SND1: variants seen among roughly 807,000 people sequenced by gnomAD.
The protein encoded by SND1 is staphylococcal nuclease domain-containing protein 1.
A neutral mutation model predicts 121.7 loss-of-function variants in SND1; 38 were observed. That is an observed-to-expected ratio of 0.31 (90% confidence interval 0.24 to 0.41). SND1 has a LOEUF of 0.41. SND1 is among the 10% of genes least tolerant of loss of function. SND1 has a pLI of 1.00. For missense variants in SND1, 868 were observed against 1,184.6 expected, an observed-to-expected ratio of 0.73 and a Z score of 3.92; for synonymous variants, 401 against 447.4, an observed-to-expected ratio of 0.90 and a Z score of 1.31.
intron 15 of SND1, among the ~76,000 whole-genome samples, chr7:127,957,377 G>A (rs181782617): frequency 1.3e-5 from 2 of 152,266 alleles, no homozygotes; most frequent in Admixed American, 1.3e-4. Flanking sequence ...TGGCCCTATC[G>A]TTGTGGGGGT....
At chr7:128,062,390 C>T (rs776856673) in intron 16 of SND1, among the ~76,000 whole-genome samples, 1 of 152,138 alleles carries the variant, frequency 6.6e-6, no homozygotes, top group African/African-American at 2.4e-5. Context: ...ATAAAAGAGG[C>T]GTGAGGACAA....
chr7:127,782,058 G>T lies in SND1; in HGVS notation c.1153-25426G>T, dbSNP rs557526669. 2.0e-5 allele frequency among the ~76,000 whole-genome samples: 3 copies of T among 152,320 alleles called. No homozygotes were observed. In the East Asian group the frequency reaches 5.8e-4, roughly 29 times the overall value. Reference sequence around the variant, plus strand: ...TGTAATATCTGATCCTAGTTAGGTTGCATATCTTTGAGGAGGCAGAGAATA... The same window carrying T: ...TGTAATATCTGATCCTAGTTAGGTTTCATATCTTTGAGGAGGCAGAGAATA... On this transcript the variant is annotated intron_variant, in intron 10 of 23. Transcript: ENST00000354725.
chr7:127,942,420 T>C (rs1801234385), intron 15 of SND1, among the ~76,000 whole-genome samples: 1 of 152,194 alleles, frequency 6.6e-6, no homozygotes, highest in Non-Finnish European at 1.5e-5. Flanking sequence ...CTTCAGCATC[T>C]GCATCTCAAG....
At chr7:127,974,836 A>G (rs756857987) in intron 15 of SND1, among the ~76,000 whole-genome samples, 2 of 152,160 alleles carry the variant, frequency 1.3e-5, no homozygotes, top group Non-Finnish European at 2.9e-5. Context: ...CCTCTTTGCC[A>G]TTCAGGAGCT....
At chr7:127,772,038 G>T (rs529622201) in intron 10 of SND1, among the ~76,000 whole-genome samples, 1 of 152,206 alleles carries the variant, frequency 6.6e-6, no homozygotes, top group Non-Finnish European at 1.5e-5. Context: ...TGATAGAAAA[G>T]ACGCTAATTT....
At chr7:127,909,174 T>G (rs1800405797) in intron 14 of SND1, among the ~76,000 whole-genome samples, 1 of 152,224 alleles carries the variant, frequency 6.6e-6, no homozygotes. Flanking sequence ...TAGCATCCTC[T>G]TCAGTCTTAT....
chr7:127,699,126 G>A (rs1460070214), intron 4 of SND1, among the ~76,000 whole-genome samples, 173 bp downstream of exon 4: 1 of 152,186 alleles, frequency 6.6e-6, no homozygotes, highest in East Asian at 1.9e-4. Context: ...CACTAATGGT[G>A]TTTGAGGTAT....
intron 15 of SND1, among the ~76,000 whole-genome samples, chr7:127,952,927 C>T (rs1312505028): frequency 6.6e-6 from 1 of 152,068 alleles, no homozygotes; most frequent in Non-Finnish European, 1.5e-5. Context: ...CTTTGGGAGG[C>T]CAAGGCAGGA....
intron 16 of SND1, among the ~76,000 whole-genome samples, chr7:128,004,538 T>A (rs1303329107): frequency 1.3e-5 from 2 of 152,242 alleles, no homozygotes; most frequent in South Asian, 2.1e-4. Context: ...CTCTATGCCA[T>A]GAAATCTTTT....
At chr7:127,880,915 T>C (rs564588887) in intron 12 of SND1, among the ~76,000 whole-genome samples, 1 of 152,262 alleles carries the variant, frequency 6.6e-6, no homozygotes, top group Admixed American at 6.5e-5. Flanking sequence ...CCTATTTGAC[T>C]AAGATAGCTT....
intron 1 of SND1, among the ~76,000 whole-genome samples, chr7:127,659,465 C>G (rs528832259): frequency 6.6e-6 from 1 of 152,242 alleles, no homozygotes; most frequent in Non-Finnish European, 1.5e-5. Flanking sequence ...ATGATATAAA[C>G]TGGTTTGGCA....
chr7:127,701,689 T>C (rs1393892376), intron 5 of SND1, among the ~76,000 whole-genome samples: 1 of 152,056 alleles, frequency 6.6e-6, no homozygotes, highest in South Asian at 2.1e-4. Context: ...TCATGCTTCA[T>C]TGGAGATTGG....
intron 13 of SND1, among the ~76,000 whole-genome samples, chr7:127,901,537 C>T (rs1043068556): frequency 2.0e-5 from 3 of 152,112 alleles, no homozygotes; most frequent in East Asian, 1.9e-4. Flanking sequence ...CCTGTGCTGC[C>T]GCAGGTTATT....
intron 15 of SND1, among the ~76,000 whole-genome samples, chr7:127,940,354 TTAG>T (rs1456391778): frequency 2.0e-5 from 3 of 152,250 alleles, no homozygotes; most frequent in Non-Finnish European, 4.4e-5. Flanking sequence ...CAGCAGCCAC[TTAG>T]TAGTAATGTT....
chr7:127,925,268 A>AT (rs1800805259), intron 14 of SND1, among the ~76,000 whole-genome samples: 2 of 152,240 alleles, frequency 1.3e-5, no homozygotes, highest in Admixed American at 1.3e-4. Context: ...CAACAAAAAA[A>AT]GACTTCTCTT....
chr7:128,030,367 C>T (rs1442959704), intron 16 of SND1: 6 of 1,613,850 alleles, frequency 3.7e-6, no homozygotes, highest in Non-Finnish European at 5.1e-6. Flanking sequence ...AAGGTGTCGG[C>T]CTGGATCATC....
At chr7:127,934,414 A>G (rs1407730348) in intron 15 of SND1, among the ~76,000 whole-genome samples, 1 of 152,204 alleles carries the variant, frequency 6.6e-6, no homozygotes, top group African/African-American at 2.4e-5. Context: ...GCAAGGGGGC[A>G]GCATGCTCAG....
intron 9 of SND1, chr7:127,718,610 C>G: frequency 1.0e-6 from 1 of 985,366 alleles, no homozygotes; most frequent in African/African-American, 1.7e-5. Context: ...TGCTGAGCAG[C>G]AGAGAGAGTC....
At chr7:127,811,898 TA>T (rs1022789188) in intron 11 of SND1, among the ~76,000 whole-genome samples, 3 of 152,366 alleles carry the variant, frequency 2.0e-5, no homozygotes, top group African/African-American at 7.2e-5. Context: ...TGAAGTAGAC[TA>T]TTTTTTTTGG....
Sources: gnomAD v4.1 joint callset for allele counts (sites outside exome capture counted in the v4.1 genomes callset) on GRCh38, gnomAD v4.1.1 for gene constraint, MANE v1.5 for transcripts, NCBI Gene and HGNC (gene_info 2026-07-23, HGNC 2026-07-21) for gene names.